RASA2: variants seen among roughly 807,000 people sequenced by gnomAD.
RASA2 encodes ras GTPase-activating protein 2.
Under a neutral mutation model 118.2 loss-of-function variants are expected in RASA2, and 155 were observed. The observed-to-expected ratio is 1.31, with a 90% confidence interval of 1.15 to 1.50. The LOEUF (loss-of-function observed/expected upper bound fraction) is 1.50, where lower values mean the gene tolerates loss of function less well. RASA2 is among the 40% of genes most tolerant of loss of function. The pLI, the probability that RASA2 is intolerant of heterozygous loss-of-function variation, is 0.00. For synonymous variants in RASA2, 353 were observed against 349.1 expected, an observed-to-expected ratio of 1.01 and a Z score of -0.12; for missense variants, 1,016 against 1,009.6, an observed-to-expected ratio of 1.01 and a Z score of -0.09.
At chr3:141,568,351 A>G (rs921192439) in intron 9 of RASA2, among the ~76,000 whole-genome samples, 1 of 152,128 alleles carries the variant, frequency 6.6e-6, no homozygotes, top group Non-Finnish European at 1.5e-5. Flanking sequence ...ATAAATGTGT[A>G]TATATGCACA....
At chr3:141,549,065 GCTATAAGATTCTCTACCAC>G (rs2082531348) in intron 5 of RASA2, among the ~76,000 whole-genome samples, 1 of 152,054 alleles carries the variant, frequency 6.6e-6, no homozygotes, top group Non-Finnish European at 1.5e-5. Context: ...CTCTAATACA[GCTATAAGATTCTCTACCAC>G]CACAGCCTGG....
rs1269637568 is a variant in RASA2 at position 141,559,914 on chromosome 3, G to A, written c.782G>A (p.Gly261Glu). 1.2e-6 allele frequency: 2 copies of A among 1,613,116 alleles called. No individual in the cohort carries two copies. The highest frequency in any genetic ancestry group is 1.3e-5 in the African/African-American group (1 of 75,006). Reference protein sequence around the residue: ...LEIRIDLWNNGNLVQDVFLGE... With the variant: ...LEIRIDLWNNENLVQDVFLGE... ...TTCAGGATCGACTTGTGGAACAATGGAAACCTAGTCCAAGATGTTTTCCTA... is the reference window on the plus strand; with the variant it reads ...TTCAGGATCGACTTGTGGAACAATGAAAACCTAGTCCAAGATGTTTTCCTA... The change falls in exon 9 of 24, where the codon GGA becomes GAA. Residue 261 changes from glycine (G) to glutamate (E), a missense_variant. Gly to Glu is a moderately conservative substitution (Grantham distance 98). Transcript: ENST00000286364.
chr3:141,522,423 G>C (rs1327289359), intron 3 of RASA2, among the ~76,000 whole-genome samples: 2 of 152,122 alleles, frequency 1.3e-5, no homozygotes, highest in Non-Finnish European at 2.9e-5. Flanking sequence ...CAGGTGTTGG[G>C]GCCCACATCG....
chr3:141,527,510 C>CAT (rs1250048922), intron 3 of RASA2, among the ~76,000 whole-genome samples: 2 of 151,964 alleles, frequency 1.3e-5, no homozygotes, highest in Non-Finnish European at 2.9e-5. Context: ...TCTGTATGTA[C>CAT]ATATATATTT....
chr3:141,540,992 G>A (rs949734262), intron 5 of RASA2, among the ~76,000 whole-genome samples: 1 of 152,080 alleles, frequency 6.6e-6, no homozygotes, highest in African/African-American at 2.4e-5. Context: ...GAGATGACCA[G>A]TATTGATTCC....
At position 141,609,896 on chromosome 3, in the gene RASA2, A is replaced by G; in HGVS notation, c.2349A>G (p.Ala783=). 6.3e-7 allele frequency: 1 copy of G among 1,577,886 alleles called. No individual in the cohort carries two copies. Among genetic ancestry groups the G allele is most frequent in the Non-Finnish European group, 8.6e-7 (1 of 1,166,520 alleles). ...QKMEEACGTI[A]VYQGPQKEPD... is the part of the protein sequence containing the mutation. ...TTGTAGAGGCTTGTGGAACTATTGC[A>G]GTCTATCAAGGACCACAGAAAGAGC... Residue 783 remains alanine, a synonymous_variant, in exon 23 of 24, where the codon GCA becomes GCG. Transcript: ENST00000286364.
chr3:141,549,652 A>G (rs1292107428), intron 5 of RASA2, among the ~76,000 whole-genome samples: 1 of 152,200 alleles, frequency 6.6e-6, no homozygotes, highest in East Asian at 1.9e-4. Flanking sequence ...GTGACCAAAG[A>G]GCTGAAGTTT....
At chr3:141,549,200 C>T (rs2082533102) in intron 5 of RASA2, among the ~76,000 whole-genome samples, 1 of 152,144 alleles carries the variant, frequency 6.6e-6, no homozygotes, top group Admixed American at 6.6e-5. Flanking sequence ...TGAATTCTTC[C>T]ATCTGAGCTC....
intron 1 of RASA2, among the ~76,000 whole-genome samples, chr3:141,494,462 G>A (rs1023598527): frequency 2.6e-4 from 40 of 152,144 alleles, no homozygotes; most frequent in African/African-American, 9.4e-4. Flanking sequence ...TCCGCCTCCC[G>A]GGTTCAAGCG....
intron 1 of RASA2, among the ~76,000 whole-genome samples, chr3:141,508,025 G>C (rs1361570503): frequency 6.6e-6 from 1 of 152,048 alleles, no homozygotes. Flanking sequence ...CATTAAACGG[G>C]CTATAGATAA....
At chr3:141,565,377 A>G (rs956316684) in intron 9 of RASA2, among the ~76,000 whole-genome samples, 2 of 152,228 alleles carry the variant, frequency 1.3e-5, no homozygotes, top group African/African-American at 2.4e-5. Context: ...TGACCAAAGT[A>G]TCAATTGTCA....
intron 4 of RASA2, among the ~76,000 whole-genome samples, chr3:141,531,972 A>G (rs1219884547): frequency 6.6e-6 from 1 of 152,120 alleles, no homozygotes; most frequent in South Asian, 2.1e-4. Flanking sequence ...CAAAAATACC[A>G]TGAAACATAA....
chr3:141,565,407 A>G (rs1378226665), intron 9 of RASA2, among the ~76,000 whole-genome samples: 1 of 152,210 alleles, frequency 6.6e-6, no homozygotes, highest in Non-Finnish European at 1.5e-5. Context: ...GTCATCAACC[A>G]GCTAAACTTC....
chr3:141,510,409 T>C (rs1326684224), intron 1 of RASA2, among the ~76,000 whole-genome samples: 1 of 151,918 alleles, frequency 6.6e-6, no homozygotes, highest in Non-Finnish European at 1.5e-5. Context: ...TTATTTAATA[T>C]TCCTTCAACA....
intron 19 of RASA2, among the ~76,000 whole-genome samples, chr3:141,599,118 C>T (rs1287411913): frequency 2.6e-5 from 4 of 151,588 alleles, no homozygotes; most frequent in African/African-American, 7.3e-5. Flanking sequence ...TAAATTTAAC[C>T]AAAGAAGTAC....
At position 141,565,519 on chromosome 3, in the gene RASA2, T is replaced by G. The variant is rs948569381; in HGVS notation, c.864-5393T>G. Among the ~76,000 whole-genome samples, 8 of 152,064 alleles carry G rather than the reference T, an allele frequency of 5.3e-5. No individual in the cohort carries two copies. The East Asian group carries it at 1.5e-3, about 29-fold the overall frequency. ...AGGTGAAGATAATTGAATCATCGGG[T>G]GGTTTCAAATCCCCATACTGTTCTT... On this transcript the variant is annotated intron_variant, in intron 9 of 23. Transcript: ENST00000286364.
chr3:141,581,955 T>A (rs1270277351), intron 17 of RASA2, among the ~76,000 whole-genome samples: 5 of 152,134 alleles, frequency 3.3e-5, no homozygotes, highest in Non-Finnish European at 5.9e-5. Flanking sequence ...TAAAGAAAAG[T>A]TACCTTTGAA....
chr3:141,501,827 T>G (rs563104670), intron 1 of RASA2, among the ~76,000 whole-genome samples: 4 of 152,352 alleles, frequency 2.6e-5, no homozygotes, highest in African/African-American at 7.2e-5. Context: ...TATCATATTT[T>G]TAAATGTGCA....
chr3:141,536,566 A>G (rs2082329114), intron 4 of RASA2, among the ~76,000 whole-genome samples: 1 of 152,176 alleles, frequency 6.6e-6, no homozygotes, highest in African/African-American at 2.4e-5. Flanking sequence ...ATAGAGCAAT[A>G]CCTTCCAAGA....
Sources: allele counts gnomAD v4.1 joint callset (sites outside exome capture counted in the v4.1 genomes callset), GRCh38; gene constraint gnomAD v4.1.1; transcripts MANE v1.5; gene names NCBI Gene and HGNC (gene_info 2026-07-23, HGNC 2026-07-21).